DCAF7: variants seen among roughly 807,000 people sequenced by gnomAD.
DCAF7 encodes DDB1- and CUL4-associated factor 7.
A neutral mutation model predicts 41.2 loss-of-function variants in DCAF7; 4 were observed. The ratio of observed to expected loss-of-function variants is 0.10; its 90% CI spans 0.05 to 0.22. DCAF7 has a LOEUF of 0.22. Ranked by LOEUF, DCAF7 falls within the 10% of genes least tolerant of loss-of-function variation. The pLI is 1.00. For missense variants in DCAF7, 131 were observed against 443.2 expected, an observed-to-expected ratio of 0.30 and a Z score of 6.32; for synonymous variants, 143 against 164.2, an observed-to-expected ratio of 0.87 and a Z score of 0.99.
At chr17:63,551,884 TAAAATACAAAAAAAAAAAAAAAAAA>T (rs1354915214) in intron 1 of DCAF7, among the ~76,000 whole-genome samples, 2 of 46,000 alleles carry the variant, frequency 4.3e-5, no homozygotes, top group Non-Finnish European at 4.0e-5. Flanking sequence ...CCGTCTCTAC[TAAAATACAAAAAAAAAAAAAAAAAA>T]AAAAAAAAAA....
chr17:63,567,674 C>G (rs990733509), intron 1 of DCAF7, among the ~76,000 whole-genome samples: 1 of 152,050 alleles, frequency 6.6e-6, no homozygotes, highest in Admixed American at 6.6e-5. Context: ...TTTTTTTCCC[C>G]CCTAAGACAA....
At chr17:63,579,506 G>C in intron 3 of DCAF7, 58 bp downstream of exon 3, 1 of 1,284,882 alleles carries the variant, frequency 7.8e-7, no homozygotes, top group Non-Finnish European at 1.1e-6. Flanking sequence ...AATTTTCTCA[G>C]ATGTCACACT....
intron 6 of DCAF7, among the ~76,000 whole-genome samples, chr17:63,587,635 C>T (rs1216209863): frequency 2.6e-5 from 4 of 152,132 alleles, no homozygotes; most frequent in African/African-American, 4.8e-5. Flanking sequence ...GCACCTGGCC[C>T]AGACTATGCG....
At chr17:63,555,791 A>T (rs953902212) in intron 1 of DCAF7, among the ~76,000 whole-genome samples, 5 of 151,582 alleles carry the variant, frequency 3.3e-5, no homozygotes, top group African/African-American at 4.9e-5. Flanking sequence ...ATAATGCTTT[A>T]AAAAAAAATG....
At chr17:63,585,817 G>C (rs1236052360) in intron 6 of DCAF7, among the ~76,000 whole-genome samples, 27 of 152,144 alleles carry the variant, frequency 1.8e-4, no homozygotes, top group Admixed American at 1.8e-3. Flanking sequence ...CTGTTTCCCA[G>C]ACCAAAGCTA....
chr17:63,561,851 A>G lies in DCAF7; in HGVS notation c.138+11036A>G, dbSNP rs182110363. Among the ~76,000 whole-genome samples, 88 of 152,092 alleles carry G rather than the reference A, an allele frequency of 5.8e-4. 1 individual carries two copies. In the East Asian group the frequency reaches 0.013, roughly 23 times the overall value. On this transcript the variant is annotated intron_variant, in intron 1 of 6. Transcript: ENST00000614556. Reference sequence around the variant, plus strand: ...TTTTAAGTTGAAATCAACTGATTGGAAAAAAAATGCTACATATCAAAACTT... The same window carrying G: ...TTTTAAGTTGAAATCAACTGATTGGGAAAAAAATGCTACATATCAAAACTT...
At chr17:63,573,646 C>T (rs982951523) in intron 1 of DCAF7, among the ~76,000 whole-genome samples, 1 of 151,572 alleles carries the variant, frequency 6.6e-6, no homozygotes, top group Non-Finnish European at 1.5e-5. Context: ...AGGAGAATCG[C>T]TTAAACCTGA....
At chr17:63,562,600 C>T (rs1423813344) in intron 1 of DCAF7, among the ~76,000 whole-genome samples, 1 of 151,142 alleles carries the variant, frequency 6.6e-6, no homozygotes, top group Non-Finnish European at 1.5e-5. Context: ...AGGTTAGTTA[C>T]ATATGTATAC....
At chr17:63,579,520 C>A in intron 3 of DCAF7, 72 bp downstream of exon 3, 3 of 1,120,836 alleles carry the variant, frequency 2.7e-6, no homozygotes, top group South Asian at 1.4e-5. Context: ...TCACACTGGG[C>A]CATACATCCT....
Position 63,550,584 on chromosome 17 carries a change from C to G in DCAF7, c.-94C>G. Reference sequence around the variant, plus strand: ...TTAGGCCGTTCCTGCCCGCCCCCTCCTCTCCTCCCTTCGGACCCATAGATC... The same window carrying G: ...TTAGGCCGTTCCTGCCCGCCCCCTCGTCTCCTCCCTTCGGACCCATAGATC... On this transcript the variant is annotated 5_prime_UTR_variant, in exon 1 of 7. Transcript: ENST00000614556. The surrounding 1 kb of genome is among the most constrained non-coding windows in gnomAD (Gnocchi z 4.8). 2 of 1,541,348 alleles carry G rather than the reference C, an allele frequency of 1.3e-6. No individual in the cohort carries two copies. The highest frequency in any genetic ancestry group is 1.8e-6 in the Non-Finnish European group (2 of 1,141,798).
In DCAF7 at chr17:63,567,309, C is replaced by CA. The variant is rs1015861974; in HGVS notation, c.139-11152dup. On this transcript the variant is annotated intron_variant, in intron 1 of 6. Transcript: ENST00000614556. ...CATTAAATTTAAATGGATATCTGAA[C>CA]AAAAAAAAATTGAACAACATGAGAG... Among the ~76,000 whole-genome samples, 111 of 151,140 alleles carry CA rather than the reference C, an allele frequency of 7.3e-4. 1 individual carries two copies. The Middle Eastern group carries it at 0.017, about 23-fold the overall frequency.
chr17:63,571,755 G>C (rs2033509113), intron 1 of DCAF7, among the ~76,000 whole-genome samples: 1 of 152,018 alleles, frequency 6.6e-6, no homozygotes, highest in South Asian at 2.1e-4. Flanking sequence ...TTCTCTCTTA[G>C]GTTAGGTACT....
At chr17:63,571,055 G>A (rs1171193599) in intron 1 of DCAF7, among the ~76,000 whole-genome samples, 3 of 151,796 alleles carry the variant, frequency 2.0e-5, no homozygotes, top group Admixed American at 2.0e-4. Context: ...GTGCGATGGC[G>A]GGTGCCTGTA....
chr17:63,563,023 G>A (rs757814254), intron 1 of DCAF7, among the ~76,000 whole-genome samples: 3 of 151,758 alleles, frequency 2.0e-5, no homozygotes, highest in Non-Finnish European at 2.9e-5. Flanking sequence ...ATGGGATCTC[G>A]CCATATTGCC....
chr17:63,572,631 G>A (rs954907825), intron 1 of DCAF7, among the ~76,000 whole-genome samples: 1 of 152,144 alleles, frequency 6.6e-6, no homozygotes, highest in African/African-American at 2.4e-5. Context: ...AGAGGGATTT[G>A]GGGTTTCATG....
intron 2 of DCAF7, 112 bp downstream of exon 2, chr17:63,578,740 C>A: frequency 6.9e-7 from 1 of 1,439,088 alleles, no homozygotes; most frequent in Non-Finnish European, 9.6e-7. Flanking sequence ...GTCATTGCAG[C>A]ACAGGAGAAG....
chr17:63,587,526 C>G (rs1031840913), intron 6 of DCAF7, among the ~76,000 whole-genome samples: 1 of 152,116 alleles, frequency 6.6e-6, no homozygotes, highest in African/African-American at 2.4e-5. Flanking sequence ...AGCTGTTGCT[C>G]AAGTGTGCTC....
intron 1 of DCAF7, among the ~76,000 whole-genome samples, chr17:63,563,981 A>T (rs2147764270): frequency 6.6e-6 from 1 of 152,290 alleles, no homozygotes; most frequent in Non-Finnish European, 1.5e-5. Flanking sequence ...ATTAATAGAG[A>T]TTCATAGCCT....
At chr17:63,583,842 G>T (rs1188978771) in intron 5 of DCAF7, 131 bp downstream of exon 5, 8 of 904,034 alleles carry the variant, frequency 8.8e-6, no homozygotes, top group Non-Finnish European at 1.4e-5. Flanking sequence ...AGGCATTTTT[G>T]ATTGTCACAG....
Sources: allele counts gnomAD v4.1 joint callset (sites outside exome capture counted in the v4.1 genomes callset), GRCh38; gene constraint gnomAD v4.1.1; non-coding constraint Gnocchi (gnomAD v3.1); transcripts MANE v1.5; gene names NCBI Gene and HGNC (gene_info 2026-07-23, HGNC 2026-07-21).